Variants in UCN3 observed in about 807,000 individuals in gnomAD.
The protein encoded by UCN3 is urocortin-3.
UCN3 carries 3 observed loss-of-function variants against 3.6 expected under a neutral mutation model. That is an observed-to-expected ratio of 0.83 (90% CI 0.38 to 2.15). The LOEUF (loss-of-function observed/expected upper bound fraction) is 2.15, where lower values mean the gene tolerates loss of function less well. Among genes scored for constraint, UCN3 ranks in the 30% most tolerant of loss-of-function variants. The pLI is 0.06. For synonymous variants in UCN3, 100 were observed against 93.2 expected, an observed-to-expected ratio of 1.07 and a Z score of -0.42; for missense variants, 206 against 208.3, an observed-to-expected ratio of 0.99 and a Z score of 0.07.
chr10:5,370,472 C>T (rs200978877), intron 1 of UCN3, among the ~76,000 whole-genome samples: 303 of 12,972 alleles, frequency 0.023, 38 homozygotes, highest in Admixed American at 0.048. Context: ...TGTGTATATG[C>T]GTGTGTATAT....
At chr10:5,369,862 G>GGGGTGTGT (rs1831314051) in intron 1 of UCN3, among the ~76,000 whole-genome samples, 1 of 99,520 alleles carries the variant, frequency 1.0e-5, no homozygotes, top group African/African-American at 3.8e-5. Flanking sequence ...TATCCACGTG[G>GGGGTGTGT]GTGTGTGTGT....
At position 5,374,452 on chromosome 10, in the gene UCN3, G is replaced by T; in HGVS notation, c.*246G>T. ...GTCCAACCTTCCCAGACACAAAGCA[G>T]CTAACGTTCCTCCCTGTACTCAGCG... On this transcript the variant is annotated 3_prime_UTR_variant, in exon 2 of 2. Transcript: ENST00000380433. 1 of 499,536 alleles carries T rather than the reference G, an allele frequency of 2.0e-6. No individual in the cohort carries two copies. Among genetic ancestry groups the T allele is most frequent in the East Asian group, 3.8e-5 (1 of 26,346 alleles). The allele number at this position is 499,536 out of a possible 1,614,324, so 30.9% of individuals were successfully genotyped here.
In UCN3 at chr10:5,370,949, G is replaced by A. The variant is rs531756365; in HGVS notation, c.-6-2766G>A. 2.2e-4 allele frequency among the ~76,000 whole-genome samples: 20 copies of A among 92,864 alleles called. 3 individuals carry two copies. The highest frequency in any genetic ancestry group is 4.8e-3 in the Middle Eastern group (1 of 210). 60.9% of individuals were successfully genotyped at this position (92,864 alleles called of 152,430 possible). ...TGTATATGTGTGTTCATGTGTATGT[G>A]TGTAAGGTGTGTGTGTGTGTATGTA... On this transcript the variant is annotated intron_variant, in intron 1 of 1. Coordinates refer to ENST00000380433, the MANE Select transcript of UCN3 (RefSeq NM_053049.4).
rs1242040254 is a variant in UCN3 at position 5,367,913 on chromosome 10, G to C, written c.-7+2683G>C. Among the ~76,000 whole-genome samples, 1 of 152,162 alleles carries C rather than the reference G, an allele frequency of 6.6e-6. No individual in the cohort carries two copies. The highest frequency in any genetic ancestry group is 1.5e-5 in the Non-Finnish European group (1 of 68,032). ...AGGAAGCAAAATAAACAAATGGGGT[G>C]GTGGGGCAGTGGGGAGAGAGCCATG... is the stretch of plus-strand genomic sequence containing the variant. On this transcript the variant is annotated intron_variant, in intron 1 of 1. Transcript: ENST00000380433. The surrounding 1 kb of genome is among the most constrained non-coding windows in gnomAD (Gnocchi z 4.3).
intron 1 of UCN3, among the ~76,000 whole-genome samples, chr10:5,373,365 G>A (rs1004981819): frequency 2.6e-5 from 4 of 152,080 alleles, no homozygotes; most frequent in Non-Finnish European, 2.9e-5. Flanking sequence ...TTAGTTATTC[G>A]CTTTACAGGG....
In UCN3 at chr10:5,366,396, G is replaced by A. The variant is rs1834117919; in HGVS notation, c.-7+1166G>A. On this transcript the variant is annotated intron_variant, in intron 1 of 1. Transcript: ENST00000380433. This position sits in a 1 kb window ranked among gnomAD's most constrained non-coding sequence, Gnocchi z 4.2. ...AACTAGATGGTGCCCAGTTATTTTCGTGGCAGACTGCAGAGAAATCTTAAA... is the reference window on the plus strand; with the variant it reads ...AACTAGATGGTGCCCAGTTATTTTCATGGCAGACTGCAGAGAAATCTTAAA... 2.0e-5 allele frequency among the ~76,000 whole-genome samples: 3 copies of A among 152,170 alleles called. No homozygotes were observed. The highest frequency in any genetic ancestry group is 2.1e-4 in the South Asian group (1 of 4,826).
chr10:5,370,803 A>ATG (rs1340221137), intron 1 of UCN3, among the ~76,000 whole-genome samples: 6 of 102,698 alleles, frequency 5.8e-5, no homozygotes, highest in Non-Finnish European at 9.3e-5. Context: ...GCGTGTGTAT[A>ATG]TGTGTGTGTG....
intron 1 of UCN3, among the ~76,000 whole-genome samples, chr10:5,369,871 G>GTGTGTGTGTC (rs1410186192): frequency 0.059 from 5,399 of 91,966 alleles, 1,105 homozygotes; most frequent in South Asian, 0.15. Flanking sequence ...GGGTGTGTGT[G>GTGTGTGTGTC]TATATGTGTG....
chr10:5,368,160 C>A (rs1378772656), intron 1 of UCN3, among the ~76,000 whole-genome samples: 2 of 152,078 alleles, frequency 1.3e-5, no homozygotes, highest in Non-Finnish European at 2.9e-5. Flanking sequence ...TGTGCCACCA[C>A]GCCTGGCTAA....
At position 5,365,763 on chromosome 10, in the gene UCN3, G is replaced by A. The variant is rs186900947; in HGVS notation, c.-7+533G>A. Reference sequence around the variant, plus strand: ...ACGTCTCCTTCCTAGGACGCGGCAAGTGAAATGCAGGTTAAGGGATTCACC... The same window carrying A: ...ACGTCTCCTTCCTAGGACGCGGCAAATGAAATGCAGGTTAAGGGATTCACC... On this transcript the variant is annotated intron_variant, in intron 1 of 1. Transcript: ENST00000380433. The surrounding 1 kb of genome is among the most constrained non-coding windows in gnomAD (Gnocchi z 4.4). Among the ~76,000 whole-genome samples, 87 of 152,320 alleles carry A rather than the reference G, an allele frequency of 5.7e-4. No individual in the cohort carries two copies. Among genetic ancestry groups the A allele is most frequent in the Admixed American group, 1.1e-3 (17 of 15,302 alleles).
chr10:5,368,043 A>T (rs1834132575), intron 1 of UCN3, among the ~76,000 whole-genome samples: 1 of 151,920 alleles, frequency 6.6e-6, no homozygotes, highest in Non-Finnish European at 1.5e-5. Flanking sequence ...TCACTCTTTC[A>T]CCCAGGATGG....
At position 5,370,107 on chromosome 10, in the gene UCN3, GTA is replaced by G. The variant is rs1341900760; in HGVS notation, c.-6-3604_-6-3603del. 3.5e-4 allele frequency among the ~76,000 whole-genome samples: 35 copies of G among 100,426 alleles called. 7 individuals carry two copies. Among genetic ancestry groups the G allele is most frequent in the African/African-American group, 1.4e-3 (28 of 19,644 alleles). 65.9% of individuals were successfully genotyped at this position (100,426 alleles called of 152,430 possible). A position where few individuals can be genotyped will look rare whatever the true frequency, so the allele number is the denominator to read the frequency against. On this transcript the variant is annotated intron_variant, in intron 1 of 1. Coordinates refer to ENST00000380433, the MANE Select transcript of UCN3 (RefSeq NM_053049.4). ...TGTATATGCGTGTGTATATGCGTGT[GTA>G]TATGTGTGTGTATGTGTGTGTATGT...
In UCN3 at chr10:5,370,214, T is replaced by C. The variant is rs1381645188; in HGVS notation, c.-6-3501T>C. On this transcript the variant is annotated intron_variant, in intron 1 of 1. Coordinates refer to ENST00000380433, the MANE Select transcript of UCN3 (RefSeq NM_053049.4). Reference sequence around the variant, plus strand: ...ATGCGTGTGTATATGCGTGTGTATGTGTGTGTATGTGCGTGTGTGTATGCG... The same window carrying C: ...ATGCGTGTGTATATGCGTGTGTATGCGTGTGTATGTGCGTGTGTGTATGCG... Among the ~76,000 whole-genome samples, 25 of 78,158 alleles carry C rather than the reference T, an allele frequency of 3.2e-4. 2 individuals carry two copies. Among genetic ancestry groups the C allele is most frequent in the African/African-American group, 1.2e-3 (18 of 15,076 alleles). 51.3% of individuals were successfully genotyped at this position (78,158 alleles called of 152,430 possible). A position where few individuals can be genotyped will look rare whatever the true frequency, so the allele number is the denominator to read the frequency against.
Position 5,370,872 on chromosome 10 carries a change from T to TGTGTGTATGTGC in UCN3, c.-6-2835_-6-2834insGTGCGTGTGTAT, listed in dbSNP as rs1831408703. On this transcript the variant is annotated intron_variant, in intron 1 of 1. Transcript: ENST00000380433. ...GTGCGCGTGTGTGTGCGTGTGTATG[T>TGTGTGTATGTGC]GTGTGTATATGCGTGTGTATATGCG... Among the ~76,000 whole-genome samples, 3 of 81,672 alleles carry TGTGTGTATGTGC rather than the reference T, an allele frequency of 3.7e-5. 1 individual carries two copies. Among genetic ancestry groups the TGTGTGTATGTGC allele is most frequent in the African/African-American group, 1.5e-4 (3 of 19,692 alleles). The allele number at this position is 81,672 out of a possible 152,430, so 53.6% of individuals were successfully genotyped here.
intron 1 of UCN3, among the ~76,000 whole-genome samples, chr10:5,370,872 T>TGC (rs1385406789): frequency 0.013 from 1,033 of 81,298 alleles, 48 homozygotes; most frequent in South Asian, 0.028. Flanking sequence ...CGTGTGTATG[T>TGC]GTGTGTATAT....
chr10:5,370,347 GTA>G (rs372427151), intron 1 of UCN3, among the ~76,000 whole-genome samples: 2,056 of 56,848 alleles, frequency 0.036, 546 homozygotes, highest in African/African-American at 0.06. Flanking sequence ...ATATGCGTGT[GTA>G]TATGTGTGTG....
chr10:5,369,937 G>GTATGTGTGTGTA (rs1413347963), intron 1 of UCN3, among the ~76,000 whole-genome samples: 6 of 77,108 alleles, frequency 7.8e-5, no homozygotes, highest in African/African-American at 2.7e-4. Context: ...GTGTGTGTGT[G>GTATGTGTGTGTA]TATGTGTGTG....
rs1441314899 is a variant in UCN3 at position 5,370,869 on chromosome 10, ATG to A, written c.-6-2838_-6-2837del. 3.4e-3 allele frequency among the ~76,000 whole-genome samples: 161 copies of A among 47,146 alleles called. 15 individuals are homozygous for A. Among genetic ancestry groups the A allele is most frequent in the Middle Eastern group, 0.014 (1 of 72 alleles). 30.9% of individuals were successfully genotyped at this position (47,146 alleles called of 152,430 possible). A position where few individuals can be genotyped will look rare whatever the true frequency, so the allele number is the denominator to read the frequency against. Reference sequence around the variant, plus strand: ...TGTGTGCGCGTGTGTGTGCGTGTGTATGTGTGTGTATATGCGTGTGTATATGC... The same window carrying A: ...TGTGTGCGCGTGTGTGTGCGTGTGTATGTGTGTATATGCGTGTGTATATGC... On this transcript the variant is annotated intron_variant, in intron 1 of 1. Transcript: ENST00000380433.
chr10:5,370,931 G>GTGTGTGTTTATGTGTGTGTATA (rs1564443851), intron 1 of UCN3, among the ~76,000 whole-genome samples: 14 of 129,758 alleles, frequency 1.1e-4, no homozygotes, highest in Admixed American at 7.4e-4. Context: ...GTGTGTATAT[G>GTGTGTGTTTATGTGTGTGTATA]TGTGTTCATG....
Sources: gnomAD v4.1 joint callset for allele counts (sites outside exome capture counted in the v4.1 genomes callset) on GRCh38, gnomAD v4.1.1 for gene constraint, Gnocchi (gnomAD v3.1) non-coding constraint, MANE v1.5 for transcripts, NCBI Gene and HGNC (gene_info 2026-07-23, HGNC 2026-07-21) for gene names.